The following KIF3A variants were observed in gnomAD, a reference collection of about 807,000 sequenced individuals.
The protein encoded by KIF3A is kinesin-like protein KIF3A.
A neutral mutation model predicts 92.6 loss-of-function variants in KIF3A; 27 were observed. That is an observed-to-expected ratio of 0.29 (90% CI 0.21 to 0.40). The LOEUF is 0.40. Among genes scored for constraint, KIF3A ranks in the 10% least tolerant of loss-of-function variants. The pLI, the probability that KIF3A is intolerant of heterozygous loss-of-function variation, is 1.00. For missense variants in KIF3A, 581 were observed against 872.6 expected (o/e 0.67, Z 4.21); for synonymous variants, 250 against 275.4 (o/e 0.91, Z 0.92).
chr5:132,699,395 C>A, intron 17 of KIF3A, 100 bp from the exon 18 acceptor site: 1 of 1,206,748 alleles, frequency 8.3e-7, no homozygotes, highest in East Asian at 2.5e-5. Context: ...TGATCAAACC[C>A]ACAGAAGCTA....
At chr5:132,713,997 A>C (rs1753526217) in intron 8 of KIF3A, among the ~76,000 whole-genome samples, 2 of 149,852 alleles carry the variant, frequency 1.3e-5, no homozygotes, top group African/African-American at 4.9e-5. Context: ...TCCAGGTTCA[A>C]GTGATCCTCC....
intron 2 of KIF3A, among the ~76,000 whole-genome samples, chr5:132,731,814 G>A (rs1166044880): frequency 2.6e-5 from 4 of 151,880 alleles, no homozygotes; most frequent in African/African-American, 7.3e-5. Context: ...AGGTTCAGGC[G>A]ATTCTCCTGC....
chr5:132,710,627 A>G (rs541344825), intron 9 of KIF3A, among the ~76,000 whole-genome samples: 1 of 152,296 alleles, frequency 6.6e-6, no homozygotes, highest in African/African-American at 2.4e-5. Context: ...AAACAAACAA[A>G]CAAACAAACA....
At chr5:132,701,966 T>C (rs1753052456) in intron 15 of KIF3A, 121 bp downstream of exon 15, 2 of 1,068,812 alleles carry the variant, frequency 1.9e-6, no homozygotes, top group Non-Finnish European at 2.7e-6. Context: ...TGATGGCATT[T>C]GTTCAAAAAA....
At chr5:132,734,605 G>T (rs1006335982) in intron 1 of KIF3A, 127 bp from the exon 2 acceptor site, 12 of 707,484 alleles carry the variant, frequency 1.7e-5, no homozygotes, top group Non-Finnish European at 2.2e-5. Flanking sequence ...CACTTCACAG[G>T]TATTTGTTAA....
In KIF3A at chr5:132,693,623, T is replaced by C. The variant is rs531656678; in HGVS notation, c.*3011A>G. On this transcript the variant is annotated 3_prime_UTR_variant, in exon 19 of 19. Coordinates refer to ENST00000403231, the MANE Select transcript of KIF3A (RefSeq NM_001300791.2). Reference sequence around the variant, plus strand: ...AGTAAATGTGAGGAAACTACAGAATTGCTATGACTGGAGCTAAATGAATAG... The same window carrying C: ...AGTAAATGTGAGGAAACTACAGAATCGCTATGACTGGAGCTAAATGAATAG... The C allele has an allele frequency of 6.5e-6, 1 of 152,826 alleles. No homozygotes were observed. The highest frequency in any genetic ancestry group is 1.5e-5 in the Non-Finnish European group (1 of 68,010). 9.5% of individuals were successfully genotyped at this position (152,826 alleles called of 1,614,324 possible).
intron 15 of KIF3A, among the ~76,000 whole-genome samples, chr5:132,701,829 G>A (rs1391521378): frequency 2.6e-5 from 4 of 151,852 alleles, no homozygotes; most frequent in South Asian, 4.2e-4. Flanking sequence ...TATGATAATG[G>A]GCGCTGAATG....
intron 4 of KIF3A, chr5:132,721,314 C>T (rs1753816099): frequency 6.6e-6 from 1 of 152,094 alleles, no homozygotes; most frequent in South Asian, 2.1e-4. Context: ...CTGTGAATTA[C>T]CTTATGAGAA....
intron 4 of KIF3A, among the ~76,000 whole-genome samples, chr5:132,724,814 TA>T (rs1561708928): frequency 0.023 from 310 of 13,618 alleles, 29 homozygotes; most frequent in African/African-American, 0.046. Context: ...AAAATATATA[TA>T]TATATATATA....
chr5:132,701,170 A>C (rs1414763404), intron 15 of KIF3A, among the ~76,000 whole-genome samples: 1 of 151,992 alleles, frequency 6.6e-6, no homozygotes, highest in Non-Finnish European at 1.5e-5. Context: ...TTTCAGACAA[A>C]TTTCTTAAAA....
chr5:132,729,970 A>G (rs981299255), intron 2 of KIF3A, among the ~76,000 whole-genome samples: 8 of 152,174 alleles, frequency 5.3e-5, no homozygotes, highest in East Asian at 1.9e-4. Flanking sequence ...GAGAAGATCG[A>G]TAAGATAAAC....
chr5:132,703,306 A>G (rs1250579045), intron 12 of KIF3A, among the ~76,000 whole-genome samples, 157 bp downstream of exon 12: 2 of 152,148 alleles, frequency 1.3e-5, no homozygotes, highest in African/African-American at 4.8e-5. Context: ...TCTAGTTTTT[A>G]GAAATACACT....
In KIF3A at chr5:132,728,320, T is replaced by C. The variant is rs370930611; in HGVS notation, c.281-1822A>G. On this transcript the variant is annotated intron_variant, in intron 2 of 18. Transcript: ENST00000403231. ...GGGCTCAGGAGAATCCTCCTGCCTG[T>C]AATCCACCTGTAAATAGCTGGGATT... 1.1e-4 allele frequency among the ~76,000 whole-genome samples: 16 copies of C among 152,250 alleles called. No homozygotes were observed. The East Asian group carries it at 2.7e-3, about 26-fold the overall frequency.
chr5:132,716,090 T>C (rs562771136), intron 7 of KIF3A, among the ~76,000 whole-genome samples, 155 bp downstream of exon 7: 1 of 152,298 alleles, frequency 6.6e-6, no homozygotes, highest in South Asian at 2.1e-4. Context: ...AGGACACTAT[T>C]ATGGGCTAAT....
chr5:132,702,311 G>T, intron 14 of KIF3A, 99 bp from the exon 15 acceptor site: 1 of 1,125,766 alleles, frequency 8.9e-7, no homozygotes, highest in Non-Finnish European at 1.3e-6. Flanking sequence ...CCTTGTGAGA[G>T]CTTACCTAGT....
downstream of KIF3A, chr5:132,689,587 A>G (rs1419722374): frequency 6.6e-6 from 1 of 152,206 alleles, no homozygotes; most frequent in Non-Finnish European, 1.5e-5. Context: ...CTTAGCTTTA[A>G]AAGAAATTTC....
intron 4 of KIF3A, among the ~76,000 whole-genome samples, chr5:132,721,941 TAA>T (rs1447759985): frequency 6.6e-6 from 1 of 152,192 alleles, no homozygotes; most frequent in Non-Finnish European, 1.5e-5. Context: ...TTACACCTTT[TAA>T]AAGGTTTGAA....
downstream of KIF3A, chr5:132,689,508 A>G (rs1189277577): frequency 1.3e-5 from 2 of 152,242 alleles, no homozygotes; most frequent in Non-Finnish European, 2.9e-5. Flanking sequence ...GCACAGTGGA[A>G]AACGCATTAT....
In KIF3A at chr5:132,700,267, T is replaced by C. The variant is rs756295909; in HGVS notation, c.1956A>G (p.Thr652=). 4 of 1,596,064 alleles carry C rather than the reference T, an allele frequency of 2.5e-6. No homozygotes were observed. The South Asian group carries it at 3.3e-5, about 13-fold the overall frequency. ...GEWQLKCVAY[T]GNNMRKQTPV... The stretch of plus-strand genomic sequence containing the variant: ...GGGTTTGCTTCCTCATGTTATTTCC[T>C]GTATAAGCAACACATTTCTCAAAAA... Residue 652 remains threonine (T), a synonymous_variant, in exon 17 of 19, where the codon ACA becomes ACG. Coordinates refer to ENST00000403231, the MANE Select transcript of KIF3A (RefSeq NM_001300791.2).
Sources: gnomAD v4.1 joint callset for allele counts (sites outside exome capture counted in the v4.1 genomes callset) on GRCh38, gnomAD v4.1.1 for gene constraint, MANE v1.5 for transcripts, NCBI Gene and HGNC (gene_info 2026-07-23, HGNC 2026-07-21) for gene names.